Variants in SEMA6D observed in about 807,000 individuals in gnomAD.
SEMA6D encodes semaphorin-6D.
A neutral mutation model predicts 106.6 loss-of-function variants in SEMA6D; 35 were observed. The observed-to-expected ratio is 0.33, with a 90% CI of 0.25 to 0.44. SEMA6D has a LOEUF of 0.44. Among genes scored for constraint, SEMA6D ranks in the 20% least tolerant of loss-of-function variants. The pLI, the probability that SEMA6D is intolerant of heterozygous loss-of-function variation, is 1.00. For synonymous variants in SEMA6D, 499 were observed against 487.7 expected, an observed-to-expected ratio of 1.02 and a Z score of -0.31; for missense variants, 1,185 against 1,345.9, an observed-to-expected ratio of 0.88 and a Z score of 1.87.
chr15:47,369,734 C>T (rs1034070700), intron 1 of SEMA6D, among the ~76,000 whole-genome samples: 4 of 152,174 alleles, frequency 2.6e-5, no homozygotes, highest in African/African-American at 9.7e-5. Flanking sequence ...AAGGAAGTTC[C>T]TAGCCATAGA....
intron 1 of SEMA6D, among the ~76,000 whole-genome samples, chr15:47,253,744 G>C (rs933961389): frequency 9.9e-5 from 15 of 152,056 alleles, no homozygotes; most frequent in African/African-American, 3.6e-4. Flanking sequence ...TATGCTGTTT[G>C]GGTTACTGTT....
intron 3 of SEMA6D, among the ~76,000 whole-genome samples, chr15:47,534,133 C>T (rs1037754248): frequency 3.3e-5 from 5 of 151,982 alleles, no homozygotes; most frequent in Admixed American, 6.6e-5. Flanking sequence ...TCCAAGTGTA[C>T]TATGTGTGTC....
At chr15:47,481,124 T>C (rs936874457) in intron 3 of SEMA6D, among the ~76,000 whole-genome samples, 2 of 152,174 alleles carry the variant, frequency 1.3e-5, no homozygotes, top group African/African-American at 4.8e-5. Flanking sequence ...CTCAGTACAT[T>C]CTGAATGGCT....
intron 1 of SEMA6D, among the ~76,000 whole-genome samples, chr15:47,255,526 G>A (rs185257896): frequency 1.3e-5 from 2 of 151,624 alleles, no homozygotes; most frequent in Non-Finnish European, 2.9e-5. Context: ...GTAACATTAG[G>A]TTATTAGAGA....
At chr15:47,244,966 G>A (rs1362706756) in intron 1 of SEMA6D, among the ~76,000 whole-genome samples, 1 of 151,576 alleles carries the variant, frequency 6.6e-6, no homozygotes, top group African/African-American at 2.4e-5. Flanking sequence ...TTCTGTTTCT[G>A]CAATAATTCG....
At chr15:47,200,722 A>G (rs1317084650) in intron 1 of SEMA6D, among the ~76,000 whole-genome samples, 1 of 152,218 alleles carries the variant, frequency 6.6e-6, no homozygotes, top group Non-Finnish European at 1.5e-5. Context: ...TTGAGTTACA[A>G]CTGCAGGGCA....
In SEMA6D at chr15:47,462,184, A is replaced by G. The variant is rs116445657; in HGVS notation, c.-158-8290A>G. ...AATTAAATGTGGCCTGCCTTTTGCTATTTTTGTTGTCTTGAACTCTTACTT... is the reference window on the plus strand; with the variant it reads ...AATTAAATGTGGCCTGCCTTTTGCTGTTTTTGTTGTCTTGAACTCTTACTT... On this transcript the variant is annotated intron_variant, in intron 2 of 19. Transcript: ENST00000558014. Among the ~76,000 whole-genome samples, 803 of 151,900 alleles carry G rather than the reference A, an allele frequency of 5.3e-3. 6 individuals carry two copies. Among genetic ancestry groups the G allele is most frequent in the African/African-American group, 0.019 (770 of 41,426 alleles).
At chr15:47,767,277 G>A (rs2082395629) in intron 17 of SEMA6D, 184 bp downstream of exon 17, 6 of 474,618 alleles carry the variant, frequency 1.3e-5, no homozygotes, top group Admixed American at 1.2e-4. Flanking sequence ...TTTATAGCAT[G>A]TTAACACTTC....
In SEMA6D at chr15:47,354,396, A is replaced by G. The variant is rs551193063; in HGVS notation, c.-238-57997A>G. Among the ~76,000 whole-genome samples the G allele has an allele frequency of 6.7e-5, 9 of 135,108 alleles. No individual in the cohort carries two copies. In the Admixed American group the frequency reaches 6.8e-4, roughly 10 times the overall value. 88.6% of individuals were successfully genotyped at this position (135,108 alleles called of 152,430 possible). On this transcript the variant is annotated intron_variant, in intron 1 of 19. Coordinates refer to the SEMA6D transcript ENST00000558014. ...TTATATATATATATATGGAATATAT[A>G]TATATGGAATGAGAGAGCATATACA...
chr15:47,567,151 G>T lies in SEMA6D; in HGVS notation c.-86-33714G>T, dbSNP rs188046345. ...TCATCAGAGAATTTCCCATTGAAGA[G>T]TTTTTGTGTAAACTTCTGCTTTTAA... On this transcript the variant is annotated intron_variant, in intron 3 of 19. Coordinates refer to the SEMA6D transcript ENST00000558014. 2.4e-3 allele frequency among the ~76,000 whole-genome samples: 361 copies of T among 152,252 alleles called. 1 individual carries two copies. Among genetic ancestry groups the T allele is most frequent in the African/African-American group, 8.5e-3 (354 of 41,548 alleles).
chr15:47,277,195 A>T (rs7170892), intron 1 of SEMA6D, among the ~76,000 whole-genome samples: 1 of 151,982 alleles, frequency 6.6e-6, no homozygotes, highest in Non-Finnish European at 1.5e-5. Context: ...TGAAGATGTT[A>T]TGAACATTGT....
chr15:47,768,728 C>T lies in SEMA6D; in HGVS notation c.1913C>T (p.Pro638Leu), dbSNP rs1296173565. The T allele has an allele frequency of 1.9e-6, 3 of 1,613,182 alleles. No homozygotes were observed. In the South Asian group the frequency reaches 3.3e-5, roughly 18 times the overall value. ...DDPNTSDFTD[P>L]LSGIPKGVRW... ...CCAAACACTTCTGATTTTACTGATC[C>T]TTTATCGGGTATCCCAAAGGGTAAG... is the stretch of plus-strand genomic sequence containing the variant. The change falls in exon 18 of 19, where the codon CCT (proline) becomes CTT (leucine). Residue 638 changes from proline (P) to leucine (L), a missense_variant. Coordinates refer to ENST00000536845, the MANE Select transcript of SEMA6D (RefSeq NM_001358351.3).
chr15:47,534,300 C>T (rs1040304711), intron 3 of SEMA6D, among the ~76,000 whole-genome samples: 6 of 152,010 alleles, frequency 3.9e-5, no homozygotes, highest in Non-Finnish European at 7.4e-5. Flanking sequence ...AAGTGATTCT[C>T]GTGCCGCAGC....
Position 47,245,406 on chromosome 15 carries a change from C to T in SEMA6D, c.-239+60988C>T, listed in dbSNP as rs188434952. ...ACTGTCCTCAGTTATGAAGTGAAGGCACTGGAGGAGATGGTCCCTCAACAC... is the reference window on the plus strand; with the variant it reads ...ACTGTCCTCAGTTATGAAGTGAAGGTACTGGAGGAGATGGTCCCTCAACAC... On this transcript the variant is annotated intron_variant, in intron 1 of 19. Transcript: ENST00000558014. 1.2e-3 allele frequency among the ~76,000 whole-genome samples: 185 copies of T among 152,260 alleles called. 3 individuals carry two copies. Among genetic ancestry groups the T allele is most frequent in the South Asian group, 7.5e-3 (36 of 4,830 alleles).
intron 3 of SEMA6D, among the ~76,000 whole-genome samples, chr15:47,599,401 AG>A (rs1028697680): frequency 6.6e-6 from 1 of 151,272 alleles, no homozygotes; most frequent in Non-Finnish European, 1.5e-5. Flanking sequence ...AAGTGAGGGA[AG>A]GGAGCAACAG....
intron 3 of SEMA6D, among the ~76,000 whole-genome samples, chr15:47,491,602 G>A (rs913066347): frequency 6.6e-6 from 1 of 152,156 alleles, no homozygotes; most frequent in African/African-American, 2.4e-5. Context: ...TAAGTGAATG[G>A]TAGTGTTTTA....
Position 47,507,752 on chromosome 15 carries a change from G to A in SEMA6D, c.-87+37207G>A, listed in dbSNP as rs559092216. Among the ~76,000 whole-genome samples the A allele has an allele frequency of 7.9e-5, 12 of 152,214 alleles. No homozygotes were observed. The East Asian group carries it at 1.4e-3, about 17-fold the overall frequency. The stretch of plus-strand genomic sequence containing the variant: ...GACAGATGGTAAACATTACTACCAG[G>A]CATACGTACATTTAGAATTAGACAT... On this transcript the variant is annotated intron_variant, in intron 3 of 19. Transcript: ENST00000558014.
chr15:47,295,544 T>C (rs1198502181), intron 1 of SEMA6D, among the ~76,000 whole-genome samples: 1 of 152,180 alleles, frequency 6.6e-6, no homozygotes. Flanking sequence ...TAGCAAGACC[T>C]ATCCAGAGAA....
chr15:47,318,357 G>A (rs1240786809), intron 1 of SEMA6D, among the ~76,000 whole-genome samples: 6 of 132,928 alleles, frequency 4.5e-5, no homozygotes, highest in African/African-American at 1.6e-4. Flanking sequence ...ATGCTGGTGT[G>A]CTGTACCCAC....
Sources: allele counts gnomAD v4.1 joint callset (sites outside exome capture counted in the v4.1 genomes callset), GRCh38; gene constraint gnomAD v4.1.1; transcripts MANE v1.5; gene names NCBI Gene and HGNC (gene_info 2026-07-23, HGNC 2026-07-21).